SDK1: variants seen among roughly 807,000 people sequenced by gnomAD.
The protein encoded by SDK1 is sidekick cell adhesion molecule 1, also known as protein sidekick-1.
A neutral mutation model predicts 245.5 loss-of-function variants in SDK1; 157 were observed. The ratio of observed to expected loss-of-function variants is 0.64; its 90% confidence interval spans 0.56 to 0.73. The LOEUF (loss-of-function observed/expected upper bound fraction) is 0.73. Ranked by LOEUF, SDK1 falls within the 30% of genes least tolerant of loss-of-function variation. SDK1 has a pLI of 0.00. For missense variants in SDK1, 3,583 were observed against 3,002.3 expected (o/e 1.19, Z -4.52); for synonymous variants, 1,647 against 1,278.5 (o/e 1.29, Z -6.15).
At chr7:3,455,654 C>G (rs1012359377) in intron 1 of SDK1, among the ~76,000 whole-genome samples, 4 of 152,096 alleles carry the variant, frequency 2.6e-5, no homozygotes, top group African/African-American at 9.7e-5. Flanking sequence ...TCTTCCTCCA[C>G]CGATACCACA....
chr7:4,068,008 A>C (rs10226621), intron 20 of SDK1, 72 bp downstream of exon 20: 35,779 of 1,086,892 alleles, frequency 0.033, 1,820 homozygotes, highest in African/African-American at 0.21. Context: ...TGTCACTTCA[A>C]ACCAAACTGC....
chr7:4,250,804 C>T (rs1325532626), intron 44 of SDK1, among the ~76,000 whole-genome samples: 1 of 152,180 alleles, frequency 6.6e-6, no homozygotes, highest in African/African-American at 2.4e-5. Context: ...AGTTATAATT[C>T]ATATATCATA....
chr7:3,663,661 C>G lies in SDK1; in HGVS notation c.713+21556C>G, dbSNP rs181013135. 2.5e-3 allele frequency among the ~76,000 whole-genome samples: 376 copies of G among 152,238 alleles called. 3 individuals are homozygous for G. The highest frequency in any genetic ancestry group is 0.018 in the South Asian group (87 of 4,826). ...CTGTCCCAGTTTTAGCACTGAGAGTCCCCTCAGTCCCTGGGCAAACCGAGA... is the reference window on the plus strand; with the variant it reads ...CTGTCCCAGTTTTAGCACTGAGAGTGCCCTCAGTCCCTGGGCAAACCGAGA... On this transcript the variant is annotated intron_variant, in intron 4 of 44. Transcript: ENST00000404826.
At chr7:3,369,149 A>G (rs577968331) in intron 1 of SDK1, among the ~76,000 whole-genome samples, 2 of 152,018 alleles carry the variant, frequency 1.3e-5, no homozygotes, top group African/African-American at 4.8e-5. Flanking sequence ...GGCTCAAGCA[A>G]TTGTCATGCC....
At chr7:3,308,748 T>C (rs1462578981) in intron 1 of SDK1, among the ~76,000 whole-genome samples, 1 of 152,162 alleles carries the variant, frequency 6.6e-6, no homozygotes, top group East Asian at 1.9e-4. Context: ...AATTAGTCTT[T>C]GTGCAGTGTT....
At chr7:3,641,667 A>G (rs376687792) in intron 3 of SDK1, among the ~76,000 whole-genome samples, 41 of 152,374 alleles carry the variant, frequency 2.7e-4, no homozygotes, top group African/African-American at 9.9e-4. Context: ...ATTTCATTTC[A>G]GTGTCACAGA....
At chr7:3,319,036 G>A (rs976651413) in intron 1 of SDK1, among the ~76,000 whole-genome samples, 2 of 151,996 alleles carry the variant, frequency 1.3e-5, no homozygotes, top group African/African-American at 2.4e-5. Context: ...TTCATGAGGG[G>A]GGAGTAGGTG....
chr7:4,119,847 G>A (rs1340798142), intron 25 of SDK1, among the ~76,000 whole-genome samples: 3 of 149,024 alleles, frequency 2.0e-5, no homozygotes, highest in Admixed American at 2.0e-4. Context: ...GAGAAAGATA[G>A]AGGGCTTCAA....
intron 1 of SDK1, among the ~76,000 whole-genome samples, chr7:3,309,845 G>A (rs1396640475): frequency 1.3e-5 from 2 of 152,086 alleles, no homozygotes; most frequent in African/African-American, 4.8e-5. Context: ...TGCCTTGTAG[G>A]CATATTCCCT....
At chr7:3,916,689 G>A (rs980351025) in intron 5 of SDK1, among the ~76,000 whole-genome samples, 4 of 152,154 alleles carry the variant, frequency 2.6e-5, no homozygotes, top group Admixed American at 1.3e-4. Flanking sequence ...GGAAAATATT[G>A]AATAGCAGTT....
intron 4 of SDK1, among the ~76,000 whole-genome samples, chr7:3,652,650 A>T (rs962456889): frequency 6.6e-6 from 1 of 152,220 alleles, no homozygotes; most frequent in Non-Finnish European, 1.5e-5. Flanking sequence ...TCAGAAGCGA[A>T]CTAGGGAAAC....
At chr7:4,162,886 A>G (rs1343269102) in intron 32 of SDK1, among the ~76,000 whole-genome samples, 1 of 152,206 alleles carries the variant, frequency 6.6e-6, no homozygotes, top group Non-Finnish European at 1.5e-5. Context: ...GATGACAAAT[A>G]TAACAGAGGG....
chr7:4,105,768 G>T (rs1382595778), intron 22 of SDK1, among the ~76,000 whole-genome samples: 1 of 152,166 alleles, frequency 6.6e-6, no homozygotes, highest in African/African-American at 2.4e-5. Flanking sequence ...CGAAAGGCCC[G>T]GATGCTCTCC....
intron 40 of SDK1, among the ~76,000 whole-genome samples, chr7:4,229,765 A>G (rs1451504215): frequency 6.6e-6 from 1 of 152,188 alleles, no homozygotes; most frequent in Non-Finnish European, 1.5e-5. Flanking sequence ...TTTGGTCTTT[A>G]GTGTCTATTA....
At chr7:4,035,507 T>C (rs1788142987) in intron 17 of SDK1, among the ~76,000 whole-genome samples, 2 of 152,106 alleles carry the variant, frequency 1.3e-5, no homozygotes, top group African/African-American at 2.4e-5. Context: ...GGAATGTTGG[T>C]GGGAGTGGCA....
intron 1 of SDK1, among the ~76,000 whole-genome samples, chr7:3,429,953 ATG>A (rs1779789218): frequency 6.6e-6 from 1 of 152,186 alleles, no homozygotes; most frequent in African/African-American, 2.4e-5. Context: ...GCCTATCCGT[ATG>A]TGTCTCTCTA....
chr7:3,355,849 T>G (rs1418095625), intron 1 of SDK1, among the ~76,000 whole-genome samples: 1 of 152,326 alleles, frequency 6.6e-6, no homozygotes, highest in East Asian at 1.9e-4. Context: ...GGCATAAAAC[T>G]TTGCAGCATG....
intron 4 of SDK1, among the ~76,000 whole-genome samples, chr7:3,770,580 G>T (rs1780381485): frequency 6.6e-6 from 1 of 152,218 alleles, no homozygotes; most frequent in Non-Finnish European, 1.5e-5. Context: ...ACGTCTGAGT[G>T]GAGTAGAGAG....
intron 35 of SDK1, among the ~76,000 whole-genome samples, chr7:4,191,887 T>C (rs1477785236): frequency 2.6e-5 from 4 of 152,130 alleles, no homozygotes; most frequent in Non-Finnish European, 5.9e-5. Context: ...AAAAGTGGGG[T>C]TCACATCCAA....
Sources: allele counts gnomAD v4.1 joint callset (sites outside exome capture counted in the v4.1 genomes callset), GRCh38; gene constraint gnomAD v4.1.1; transcripts MANE v1.5; gene names NCBI Gene and HGNC (gene_info 2026-07-23, HGNC 2026-07-21).